Variants in GARS1 observed in about 807,000 individuals in gnomAD.
GARS1 encodes glycyl-tRNA synthetase 1.
Under a neutral mutation model 86.4 loss-of-function variants are expected in GARS1, and 46 were observed. That is an observed-to-expected ratio of 0.53 (90% CI 0.42 to 0.68). GARS1 has a LOEUF of 0.68. Among genes scored for constraint, GARS1 ranks in the 30% least tolerant of loss-of-function variants. The pLI, the probability that GARS1 is intolerant of heterozygous loss-of-function variation, is 0.00. For synonymous variants in GARS1, 342 were observed against 329.8 expected, an observed-to-expected ratio of 1.04 and a Z score of -0.40; for missense variants, 797 against 915.6, an observed-to-expected ratio of 0.87 and a Z score of 1.67.
rs953786034 is a variant in GARS1, at chr7:30,626,245, T to C, written c.1625T>C (p.Ile542Thr). 2 of 1,605,978 alleles carry C rather than the reference T, an allele frequency of 1.2e-6. No homozygotes were observed. Among genetic ancestry groups the C allele is most frequent in the Non-Finnish European group, 1.7e-6 (2 of 1,172,922 alleles). Reference sequence around the variant, plus strand: ...TTGTTTCTTCGTAGGGAATTCACAATTGAAACTGAAGGGAAAACATTTCAG... The same window carrying C: ...TTGTTTCTTCGTAGGGAATTCACAACTGAAACTGAAGGGAAAACATTTCAG... ...MLLNEKGEFT[I>T]ETEGKTFQLT... Residue 542 changes from isoleucine to threonine, a missense_variant, in exon 13 of 17, where the codon ATT becomes ACT. Ile to Thr is a moderately conservative substitution (Grantham distance 89). This residue lies in a region of GARS1 where 598 missense variants were observed against 738.7 expected (regional missense o/e 0.81). Coordinates refer to ENST00000389266, the MANE Select transcript of GARS1 (RefSeq NM_002047.4).
intron 10 of GARS1, among the ~76,000 whole-genome samples, chr7:30,620,037 A>G (rs1782971711): frequency 1.3e-5 from 2 of 151,880 alleles, no homozygotes; most frequent in Admixed American, 6.6e-5. Flanking sequence ...TTAGCCTCCC[A>G]AAGTGCTGGG....
At chr7:30,625,427 TGGA>T (rs1232648277) in intron 12 of GARS1, among the ~76,000 whole-genome samples, 1 of 152,074 alleles carries the variant, frequency 6.6e-6, no homozygotes, top group Non-Finnish European at 1.5e-5. Flanking sequence ...TTATCACAGG[TGGA>T]AACTAGCAAA....
chr7:30,614,416 T>C (rs1782842775), intron 8 of GARS1: 1 of 152,124 alleles, frequency 6.6e-6, no homozygotes, highest in Non-Finnish European at 1.5e-5. Context: ...ATTGTAGATG[T>C]TCAGTTGCTG....
At chr7:30,603,714 C>G in intron 6 of GARS1, 142 bp downstream of exon 6, 1 of 682,432 alleles carries the variant, frequency 1.5e-6, no homozygotes, top group Non-Finnish European at 2.6e-6. Flanking sequence ...TGTATAGCGT[C>G]TCTTTTTTTG....
chr7:30,601,861 C>T (rs1471496395), intron 4 of GARS1, among the ~76,000 whole-genome samples: 1 of 152,110 alleles, frequency 6.6e-6, no homozygotes, highest in Non-Finnish European at 1.5e-5. Flanking sequence ...TCACTGCAAG[C>T]TCTGCCTCCC....
chr7:30,606,783 C>T (rs1009761489), intron 6 of GARS1, among the ~76,000 whole-genome samples: 1 of 152,164 alleles, frequency 6.6e-6, no homozygotes, highest in African/African-American at 2.4e-5. Context: ...TGGTATTGAT[C>T]ACTAATTATA....
intron 10 of GARS1, among the ~76,000 whole-genome samples, 193 bp downstream of exon 10, chr7:30,617,471 A>G (rs572092990): frequency 7.2e-5 from 11 of 152,326 alleles, no homozygotes; most frequent in African/African-American, 2.6e-4. Context: ...TTGTAGTCTT[A>G]GATAGCTGAG....
intron 6 of GARS1, among the ~76,000 whole-genome samples, chr7:30,606,698 A>G (rs1791491731): frequency 6.6e-6 from 1 of 152,158 alleles, no homozygotes; most frequent in African/African-American, 2.4e-5. Flanking sequence ...ATCTCATCTT[A>G]TACATTTCCT....
At chr7:30,620,380 G>A (rs1283068317) in intron 10 of GARS1, among the ~76,000 whole-genome samples, 1 of 152,054 alleles carries the variant, frequency 6.6e-6, no homozygotes, top group Non-Finnish European at 1.5e-5. Context: ...ATTCTCAGTC[G>A]CATACTGCCA....
intron 6 of GARS1, among the ~76,000 whole-genome samples, chr7:30,608,942 A>G (rs1199973594): frequency 6.6e-6 from 1 of 152,222 alleles, no homozygotes; most frequent in Non-Finnish European, 1.5e-5. Context: ...AGTTTTAAAT[A>G]CTGCTTACTA....
At chr7:30,633,421 T>G (rs1236226096) in intron 16 of GARS1, among the ~76,000 whole-genome samples, 1 of 152,192 alleles carries the variant, frequency 6.6e-6, no homozygotes, top group Non-Finnish European at 1.5e-5. Flanking sequence ...TGGTCAGAGC[T>G]CTCCAGTTTG....
At chr7:30,623,947 T>C (rs1783071369) in intron 12 of GARS1, among the ~76,000 whole-genome samples, 1 of 152,134 alleles carries the variant, frequency 6.6e-6, no homozygotes, top group African/African-American at 2.4e-5. Flanking sequence ...AAGACAAAAT[T>C]CCTACACCCA....
At chr7:30,613,071 C>T (rs761364774) in intron 8 of GARS1, among the ~76,000 whole-genome samples, 3 of 152,304 alleles carry the variant, frequency 2.0e-5, no homozygotes, top group East Asian at 3.9e-4. Flanking sequence ...TCTTCTTACT[C>T]ACTGTAATTA....
At chr7:30,622,051 G>T in intron 11 of GARS1, 1 of 479,538 alleles carries the variant, frequency 2.1e-6, no homozygotes. Context: ...CTTATGCTAT[G>T]GGTTGGGTCA....
At chr7:30,596,052 TTC>T in intron 1 of GARS1, 1 of 368,378 alleles carries the variant, frequency 2.7e-6, no homozygotes, top group Non-Finnish European at 5.4e-6. Context: ...TTTCAGATGA[TTC>T]CCATATGCAA....
intron 2 of GARS1, among the ~76,000 whole-genome samples, 186 bp from the exon 3 acceptor site, chr7:30,599,761 A>G (rs1226108707): frequency 6.6e-6 from 1 of 152,148 alleles, no homozygotes; most frequent in African/African-American, 2.4e-5. Flanking sequence ...TTAAGTAAAG[A>G]TATCTTTTAT....
In GARS1 at chr7:30,617,623, A is replaced by G. The variant is rs187521795; in HGVS notation, c.1359+345A>G. Among the ~76,000 whole-genome samples the G allele has an allele frequency of 3.9e-4, 59 of 152,274 alleles. 1 individual carries two copies. Among genetic ancestry groups the G allele is most frequent in the African/African-American group, 1.2e-3 (49 of 41,552 alleles). ...GGCAAGAGTCCCAGCAAACATTGGA[A>G]ATGGTGGAGAGGTTGAATAAAGAAA... On this transcript the variant is annotated intron_variant, in intron 10 of 16. Transcript: ENST00000389266.
In GARS1 at chr7:30,617,173, G is replaced by A. The variant is rs552538763; in HGVS notation, c.1254G>A (p.Thr418=). 14 of 1,614,024 alleles carry A rather than the reference G, an allele frequency of 8.7e-6. No homozygotes were observed. Among genetic ancestry groups the A allele is most frequent in the African/African-American group, 6.7e-5 (5 of 75,022 alleles). ...TTGGCCGCATCTACCTCTACCTCAC[G>A]AAGGTTGGAATATCTCCAGATAAAC... ...YFIGRIYLYL[T]KVGISPDKLR... Residue 418 remains threonine (T), a synonymous_variant, in exon 10 of 17, where the codon ACG becomes ACA. Coordinates refer to ENST00000389266, the MANE Select transcript of GARS1 (RefSeq NM_002047.4).
intron 14 of GARS1, chr7:30,631,064 C>T (rs530370137): frequency 4.8e-6 from 1 of 210,232 alleles, no homozygotes; most frequent in Admixed American, 5.3e-5. Flanking sequence ...GTAGTCTCCA[C>T]AGAAAGTCTT....
Sources: allele counts gnomAD v4.1 joint callset (sites outside exome capture counted in the v4.1 genomes callset), GRCh38; gene constraint gnomAD v4.1.1; regional missense constraint gnomAD v4.1.1; transcripts MANE v1.5; gene names NCBI Gene and HGNC (gene_info 2026-07-23, HGNC 2026-07-21).